The following RBM28 variants were observed in gnomAD, a reference collection of about 807,000 sequenced individuals.
The protein encoded by RBM28 is RNA binding motif protein 28.
In RBM28, 78 loss-of-function variants were observed where a neutral mutation model predicts 98.3. The observed-to-expected ratio is 0.79, with a 90% CI of 0.66 to 0.96. The LOEUF is 0.96. Among genes scored for constraint, RBM28 ranks in the 40% least tolerant of loss-of-function variants. The probability of loss-of-function intolerance (pLI) is 0.00; values close to 1 mark genes in which losing one functional copy is unlikely to be tolerated. For missense variants in RBM28, 838 were observed against 913.0 expected, an observed-to-expected ratio of 0.92 and a Z score of 1.06; for synonymous variants, 306 against 330.9, an observed-to-expected ratio of 0.92 and a Z score of 0.82.
chr7:128,323,543 A>T lies in RBM28; in HGVS notation c.1388T>A (p.Met463Lys). Reference protein sequence around the residue: ...KAAEGVSAADMAKRERFELLK... With the variant: ...KAAEGVSAADKAKRERFELLK... The stretch of plus-strand genomic sequence containing the variant: ...TCTACTCACCCGTTCTCTTTTGGCC[A>T]TATCAGCAGCACTCACACCCTCTGC... Residue 463 changes from methionine to lysine, a missense_variant, in exon 13 of 19, where the codon ATG becomes AAG. Met to Lys is a moderately conservative substitution (Grantham distance 95, BLOSUM62 -1). Coordinates refer to ENST00000223073, the MANE Select transcript of RBM28 (RefSeq NM_018077.3). The T allele has an allele frequency of 6.2e-7, 1 of 1,614,274 alleles. No individual in the cohort carries two copies. Among genetic ancestry groups the T allele is most frequent in the Non-Finnish European group, 8.5e-7 (1 of 1,180,050 alleles).
intron 13 of RBM28, 35 bp downstream of exon 13, chr7:128,323,492 C>G (rs199990732): frequency 1.9e-6 from 3 of 1,611,436 alleles, no homozygotes; most frequent in South Asian, 1.1e-5. Context: ...TTATAGGCCA[C>G]GCAGAACGTG....
At chr7:128,333,138 T>C (rs1796519949) in intron 9 of RBM28, 152 bp downstream of exon 9, 1 of 696,928 alleles carries the variant, frequency 1.4e-6, no homozygotes, top group African/African-American at 1.8e-5. Context: ...CTGATTGTCC[T>C]ACATTTCTCA....
Position 128,330,911 on chromosome 7 carries a change from G to T in RBM28, c.1037C>A (p.Ser346Ter), listed in dbSNP as rs749888780. Residue 346 changes from serine to a stop codon, truncating the protein, a stop_gained, in exon 10 of 19, where the codon TCA becomes TAA. Transcript: ENST00000223073. LOFTEE classifies it high-confidence loss of function. ...TVFIRNLSFD[S>*]EEEELGELLQ... ...AAGCTCCCCAAGTTCTTCTTCTTCT[G>T]AGTCAAAGGACAGATTTCTATGGAA... The T allele has an allele frequency of 5.8e-5, 93 of 1,612,828 alleles. No individual in the cohort carries two copies. The highest frequency in any genetic ancestry group is 7.9e-5 in the Non-Finnish European group (93 of 1,178,928).
chr7:128,325,376 G>C (rs1796326519), intron 11 of RBM28, among the ~76,000 whole-genome samples: 1 of 152,174 alleles, frequency 6.6e-6, no homozygotes, highest in Admixed American at 6.5e-5. Context: ...TACTCAAGAG[G>C]ACTTAAGAAA....
chr7:128,323,454 T>C (rs768317255), intron 13 of RBM28, 73 bp downstream of exon 13: 66 of 1,552,812 alleles, frequency 4.3e-5, no homozygotes, highest in Non-Finnish European at 5.5e-5. Context: ...TGAGCACATC[T>C]AGCATTCGAT....
intron 10 of RBM28, among the ~76,000 whole-genome samples, 182 bp from the exon 11 acceptor site, chr7:128,326,073 T>C (rs1184683106): frequency 6.6e-6 from 1 of 152,116 alleles, no homozygotes; most frequent in African/African-American, 2.4e-5. Context: ...GGGAGGCCGA[T>C]GCGGGCAGAT....
chr7:128,334,706 G>A (rs939624753), intron 8 of RBM28, among the ~76,000 whole-genome samples: 1 of 152,210 alleles, frequency 6.6e-6, no homozygotes, highest in Non-Finnish European at 1.5e-5. Flanking sequence ...CATGTTCAAA[G>A]AGGTCCTTGT....
At chr7:128,319,122 T>C (rs1584640070) in intron 14 of RBM28, among the ~76,000 whole-genome samples, 1 of 152,174 alleles carries the variant, frequency 6.6e-6, no homozygotes, top group African/African-American at 2.4e-5. Flanking sequence ...AAAGCTGTCG[T>C]TCTCATGTAA....
In RBM28 at chr7:128,313,206, T is replaced by C; in HGVS notation, c.2114A>G (p.Lys705Arg). 6.2e-7 allele frequency: 1 copy of C among 1,614,220 alleles called. No homozygotes were observed. The highest frequency in any genetic ancestry group is 8.5e-7 in the Non-Finnish European group (1 of 1,180,040). ...KKPKPQINQW[K>R]QEKQQLSSEQ... The stretch of plus-strand genomic sequence containing the variant: ...GGACGATAATTGCTGCTTCTCCTGC[T>C]TCCACTGGTTTATCTGTGGCTTTGG... Residue 705 changes from lysine (K) to arginine (R), a missense_variant, in exon 18 of 19, where the codon AAG (lysine) becomes AGG (arginine). Lys to Arg is a conservative substitution (Grantham distance 26, BLOSUM62 2). Coordinates refer to ENST00000223073, the MANE Select transcript of RBM28 (RefSeq NM_018077.3).
intron 16 of RBM28, among the ~76,000 whole-genome samples, chr7:128,316,460 C>T (rs908688176): frequency 1.3e-5 from 2 of 152,178 alleles, no homozygotes; most frequent in Non-Finnish European, 2.9e-5. Context: ...CCTGTAATCC[C>T]AGCACTTTGG....
intron 10 of RBM28, among the ~76,000 whole-genome samples, chr7:128,330,016 T>C (rs904898823): frequency 2.7e-5 from 4 of 150,810 alleles, no homozygotes; most frequent in Admixed American, 2.0e-4. Flanking sequence ...GAACGAAGAA[T>C]GGTCAATGCT....
Position 128,336,024 on chromosome 7 carries a change from T to A in RBM28, c.632A>T (p.Glu211Val). 6.2e-7 allele frequency: 1 copy of A among 1,610,954 alleles called. No homozygotes were observed. Among genetic ancestry groups the A allele is most frequent in the Non-Finnish European group, 8.5e-7 (1 of 1,178,670 alleles). ...TTTAACTGATTCCTGATGTTTAGAT[T>A]CATGGCTCTTTTCCTCACCTATGGA... ...VSAIGEEKSHESKHQESVKKK... is the reference protein window; with the variant it reads ...VSAIGEEKSHVSKHQESVKKK... The change falls in exon 7 of 19, where the codon GAA (glutamate) becomes GTA (valine). Residue 211 changes from glutamate (E) to valine (V), a missense_variant. Transcript: ENST00000223073.
rs776696475 is a variant in RBM28, at chr7:128,314,746, T to C, written c.2045+18A>G. ...GAACCCACCCACTGTTCTGTGCTTCTGCCCTCCTGCATCTCACCTGATTTT... is the reference window on the plus strand; with the variant it reads ...GAACCCACCCACTGTTCTGTGCTTCCGCCCTCCTGCATCTCACCTGATTTT... On this transcript the variant is annotated intron_variant, in intron 17 of 18. Transcript: ENST00000223073. 2.5e-6 allele frequency: 4 copies of C among 1,614,138 alleles called. No homozygotes were observed. The highest frequency in any genetic ancestry group is 3.4e-6 in the Non-Finnish European group (4 of 1,180,058).
chr7:128,317,189 G>A (rs570345877), intron 16 of RBM28, among the ~76,000 whole-genome samples: 2 of 152,302 alleles, frequency 1.3e-5, no homozygotes, highest in Non-Finnish European at 2.9e-5. Context: ...GCAGCAAAAA[G>A]GGCAGAGCCA....
rs992617020 is a variant in RBM28 at position 128,298,390 on chromosome 7, TAAA to T, written c.*12404_*12406del. The T allele has an allele frequency of 6.6e-6, 1 of 152,152 alleles. No individual in the cohort carries two copies. The highest frequency in any genetic ancestry group is 2.4e-5 in the African/African-American group (1 of 41,428). 9.4% of individuals were successfully genotyped at this position (152,152 alleles called of 1,614,324 possible). ...ACGTCACCCCCGGCAGCCCAGCTGT[TAAA>T]ATTCCTCTCTTTGTACTATTTCTCT... is the stretch of plus-strand genomic sequence containing the variant. On this transcript the variant is annotated 3_prime_UTR_variant, in exon 19 of 19. Transcript: ENST00000223073.
Position 128,303,363 on chromosome 7 carries a change from T to A in RBM28, c.*7434A>T, listed in dbSNP as rs1795807029. Reference sequence around the variant, plus strand: ...TCAGCTCTAAGACTAGGTGGTGACATCTGCTTCTCAATAACCTTCACCAGG... The same window carrying A: ...TCAGCTCTAAGACTAGGTGGTGACAACTGCTTCTCAATAACCTTCACCAGG... On this transcript the variant is annotated 3_prime_UTR_variant, in exon 19 of 19. Coordinates refer to ENST00000223073, the MANE Select transcript of RBM28 (RefSeq NM_018077.3). 1 of 152,198 alleles carries A rather than the reference T, an allele frequency of 6.6e-6. No homozygotes were observed. The highest frequency in any genetic ancestry group is 1.5e-5 in the Non-Finnish European group (1 of 68,044). 9.4% of individuals were successfully genotyped at this position (152,198 alleles called of 1,614,324 possible). A position where few individuals can be genotyped will look rare whatever the true frequency, so the allele number is the denominator to read the frequency against.
At chr7:128,341,111 C>T in intron 1 of RBM28, 1 of 1,264,220 alleles carries the variant, frequency 7.9e-7, no homozygotes, top group Non-Finnish European at 1.0e-6. Flanking sequence ...AAGAAGTCTG[C>T]CTTTACCTGA....
At chr7:128,332,104 T>A (rs1025315955) in intron 9 of RBM28, among the ~76,000 whole-genome samples, 1 of 152,208 alleles carries the variant, frequency 6.6e-6, no homozygotes. Context: ...GTTAGACAGA[T>A]CCTCCGCAAA....
rs772409600 is a variant in RBM28, at chr7:128,321,388, T to A, written c.1441A>T (p.Asn481Tyr). 1.2e-6 allele frequency: 2 copies of A among 1,614,088 alleles called. No individual in the cohort carries two copies. The highest frequency in any genetic ancestry group is 2.7e-5 in the African/African-American group (2 of 74,940). ...AGCCTGGTTCGGGAGACAAAGATATTCTGGTCCTTGAGTTTCTGATGCTTC... is the reference window on the plus strand; with the variant it reads ...AGCCTGGTTCGGGAGACAAAGATATACTGGTCCTTGAGTTTCTGATGCTTC... The part of the protein sequence containing the change: ...LLKHQKLKDQ[N>Y]IFVSRTRLCL... The change falls in exon 14 of 19, where the codon AAT (asparagine) becomes TAT (tyrosine). Residue 481 changes from asparagine (N) to tyrosine (Y), a missense_variant. Physicochemically the swap from Asn to Tyr is moderately radical, Grantham distance 143. Coordinates refer to ENST00000223073, the MANE Select transcript of RBM28 (RefSeq NM_018077.3).
Sources: gnomAD v4.1 joint callset for allele counts (sites outside exome capture counted in the v4.1 genomes callset) on GRCh38, gnomAD v4.1.1 for gene constraint, MANE v1.5 for transcripts, NCBI Gene and HGNC (gene_info 2026-07-23, HGNC 2026-07-21) for gene names.